The following CPNE5 variants were observed in gnomAD, a reference collection of about 807,000 sequenced individuals.
CPNE5 encodes the protein copine 5, also known as copine-5.
In CPNE5, 42 loss-of-function variants were observed where a neutral mutation model predicts 81.1. The observed-to-expected ratio is 0.52, with a 90% CI of 0.40 to 0.67. CPNE5 has a LOEUF of 0.67. Among genes scored for constraint, CPNE5 ranks in the 30% least tolerant of loss-of-function variants. CPNE5 has a pLI of 0.00. For missense variants in CPNE5, 612 were observed against 815.5 expected, an observed-to-expected ratio of 0.75 and a Z score of 3.04; for synonymous variants, 313 against 321.5, an observed-to-expected ratio of 0.97 and a Z score of 0.28.
intron 20 of CPNE5, 165 bp from the exon 21 acceptor site, chr6:36,742,651 T>C: frequency 6.1e-6 from 6 of 979,948 alleles, no homozygotes; most frequent in Non-Finnish European, 7.2e-6. Flanking sequence ...CTCAACTCCC[T>C]GGGTTTGGGC....
chr6:36,752,444 TC>T (rs1764949369), intron 14 of CPNE5: 1 of 152,452 alleles, frequency 6.6e-6, no homozygotes, highest in Admixed American at 6.5e-5. Context: ...CCAGGACCAA[TC>T]CCTGGCTTAT....
chr6:36,798,021 G>C (rs1178285251), intron 6 of CPNE5, 144 bp downstream of exon 6: 1 of 648,156 alleles, frequency 1.5e-6, no homozygotes, highest in Non-Finnish European at 2.8e-6. Context: ...TGTGAGAGCA[G>C]TGAGGCATGG....
chr6:36,801,275 G>A (rs2150532031), intron 3 of CPNE5, among the ~76,000 whole-genome samples: 1 of 152,310 alleles, frequency 6.6e-6, no homozygotes, highest in African/African-American at 2.4e-5. Flanking sequence ...TACAGATTGT[G>A]GAGGGCCTCA....
At chr6:36,825,143 A>T (rs1020342353) in intron 1 of CPNE5, among the ~76,000 whole-genome samples, 2 of 152,148 alleles carry the variant, frequency 1.3e-5, no homozygotes, top group Non-Finnish European at 2.9e-5. Context: ...AGCCCTCGGC[A>T]GTGACAGCCT....
chr6:36,804,660 C>T lies in CPNE5; in HGVS notation c.184-4590G>A, dbSNP rs541402389. The stretch of plus-strand genomic sequence containing the variant: ...ATCCTATATGCAGTTTCCCTCCCCA[C>T]CCCACCCCACCCCCAGCATAGGCTC... On this transcript the variant is annotated intron_variant, in intron 3 of 20. Transcript: ENST00000244751. 2.0e-5 allele frequency among the ~76,000 whole-genome samples: 3 copies of T among 150,428 alleles called. No individual in the cohort carries two copies. In the South Asian group the frequency reaches 6.4e-4, roughly 32 times the overall value.
chr6:36,829,905 C>T (rs1048491285), intron 1 of CPNE5, among the ~76,000 whole-genome samples: 5 of 150,204 alleles, frequency 3.3e-5, no homozygotes, highest in African/African-American at 1.2e-4. Flanking sequence ...CACAGAGGCC[C>T]CTGAGGTACT....
chr6:36,791,984 A>G (rs750293565), intron 8 of CPNE5, 49 bp downstream of exon 8: 19 of 1,552,764 alleles, frequency 1.2e-5, no homozygotes, highest in Non-Finnish European at 1.6e-5. Flanking sequence ...CCTGCACTCC[A>G]TCACCCCCAC....
intron 8 of CPNE5, among the ~76,000 whole-genome samples, chr6:36,787,502 C>T (rs1244490391): frequency 6.6e-6 from 1 of 152,132 alleles, no homozygotes; most frequent in African/African-American, 2.4e-5. Flanking sequence ...ATAGTATCTA[C>T]ACATTTTCCT....
At chr6:36,742,982 T>C (rs7741255) in intron 20 of CPNE5, 564,933 of 985,188 alleles carry the variant, frequency 0.57, 163,340 homozygotes, top group African/African-American at 0.73. Context: ...TGAGCGCCTC[T>C]TCTGGCTCAC....
intron 11 of CPNE5, among the ~76,000 whole-genome samples, chr6:36,763,841 A>G (rs1163857447): frequency 4.0e-5 from 6 of 151,302 alleles, no homozygotes; most frequent in Non-Finnish European, 5.9e-5. Flanking sequence ...TAATGAGATT[A>G]TTTTTAAAAC....
chr6:36,743,664 G>T, intron 20 of CPNE5, 25 bp downstream of exon 20: 1 of 1,607,502 alleles, frequency 6.2e-7, no homozygotes, highest in Non-Finnish European at 8.5e-7. Context: ...AATTTCCCAT[G>T]GGGCAGGCAA....
intron 14 of CPNE5, among the ~76,000 whole-genome samples, chr6:36,749,975 G>A (rs1169402700): frequency 2.6e-5 from 4 of 152,136 alleles, no homozygotes; most frequent in Admixed American, 6.5e-5. Context: ...GTTCTCACAC[G>A]GCAGTGAGCA....
At chr6:36,775,737 C>T (rs535444485) in intron 9 of CPNE5, among the ~76,000 whole-genome samples, 5 of 152,046 alleles carry the variant, frequency 3.3e-5, no homozygotes, top group Non-Finnish European at 5.9e-5. Context: ...CACCATTTGA[C>T]ATTTTGATAT....
intron 1 of CPNE5, among the ~76,000 whole-genome samples, chr6:36,825,127 C>A (rs1322187091): frequency 2.0e-5 from 3 of 152,110 alleles, no homozygotes; most frequent in Non-Finnish European, 4.4e-5. Context: ...GAGTCAGTGT[C>A]ACCAAAGCCC....
At chr6:36,788,232 G>A (rs367553698) in intron 8 of CPNE5, among the ~76,000 whole-genome samples, 3 of 151,790 alleles carry the variant, frequency 2.0e-5, no homozygotes, top group African/African-American at 4.8e-5. Context: ...TGGTCGGGGG[G>A]GGGTCTCACT....
chr6:36,748,298 C>T (rs1764411885), intron 14 of CPNE5, 31 bp from the exon 15 acceptor site: 4 of 1,609,464 alleles, frequency 2.5e-6, no homozygotes, highest in Non-Finnish European at 3.4e-6. Context: ...GGGGAGTCAC[C>T]TGGAGGGAGG....
At chr6:36,769,846 C>A (rs570724801) in intron 10 of CPNE5, among the ~76,000 whole-genome samples, 1 of 152,178 alleles carries the variant, frequency 6.6e-6, no homozygotes, top group East Asian at 1.9e-4. Context: ...CATCTGTGGC[C>A]GGATGCAAAA....
chr6:36,756,347 G>A, intron 12 of CPNE5, 49 bp from the exon 13 acceptor site: 2 of 1,561,828 alleles, frequency 1.3e-6, no homozygotes, highest in Non-Finnish European at 1.8e-6. Context: ...AGGCAGTCAG[G>A]GTGAGTCTTG....
At chr6:36,781,475 G>A (rs1393819732) in intron 8 of CPNE5, among the ~76,000 whole-genome samples, 1 of 152,218 alleles carries the variant, frequency 6.6e-6, no homozygotes, top group Non-Finnish European at 1.5e-5. Flanking sequence ...GTCCTAGAGT[G>A]CATAACTCAG....
Sources: allele counts gnomAD v4.1 joint callset (sites outside exome capture counted in the v4.1 genomes callset), GRCh38; gene constraint gnomAD v4.1.1; transcripts MANE v1.5; gene names NCBI Gene and HGNC (gene_info 2026-07-23, HGNC 2026-07-21).